Variants in STS observed in about 807,000 individuals in gnomAD.
The protein encoded by STS is steryl-sulfatase.
A neutral mutation model predicts 26.8 loss-of-function variants in STS; 7 were observed. The ratio of observed to expected loss-of-function variants is 0.26; its 90% CI spans 0.15 to 0.49. STS has a LOEUF of 0.49. STS is among the 20% of genes least tolerant of loss of function. The pLI is 0.98. For synonymous variants in STS, 199 were observed against 189.4 expected, an observed-to-expected ratio of 1.05 and a Z score of -0.42; for missense variants, 434 against 465.6, an observed-to-expected ratio of 0.93 and a Z score of 0.63.
At chrX:7,338,612 T>A (rs1928141467) in intron 10 of STS, among the ~76,000 whole-genome samples, 1 of 111,755 alleles carries the variant, frequency 8.9e-6, no homozygotes, top group Non-Finnish European at 1.9e-5. Flanking sequence ...ATCCTCACAT[T>A]GGACTAGCAG....
intron 7 of STS, among the ~76,000 whole-genome samples, chrX:7,303,644 A>G (rs887205749): frequency 1.8e-5 from 2 of 111,672 alleles, no homozygotes; most frequent in East Asian, 2.8e-4. Context: ...GCCTAGCAGT[A>G]TGCACTGACT....
At chrX:7,247,352 A>C (rs1922933617) in intron 2 of STS, among the ~76,000 whole-genome samples, 2 of 111,752 alleles carry the variant, frequency 1.8e-5, no homozygotes, top group Admixed American at 9.5e-5. Context: ...GAGAGAGGTG[A>C]TTGACTATGA....
chrX:7,204,963 G>T (rs1319827919), intron 2 of STS, among the ~76,000 whole-genome samples: 2 of 110,659 alleles, frequency 1.8e-5, no homozygotes, highest in Admixed American at 9.7e-5. Flanking sequence ...CTGAGACCAT[G>T]GATAGTCATG....
intron 2 of STS, among the ~76,000 whole-genome samples, chrX:7,220,639 C>G (rs1921518801): frequency 9.5e-6 from 1 of 104,967 alleles, no homozygotes; most frequent in Non-Finnish European, 2.0e-5. Flanking sequence ...AGCTCCACCT[C>G]CCGGGTTCAC....
intron 1 of STS, among the ~76,000 whole-genome samples, chrX:7,176,989 T>C (rs1373703587): frequency 8.9e-6 from 1 of 111,869 alleles, no homozygotes; most frequent in Non-Finnish European, 1.9e-5. Flanking sequence ...ATTTTGCCTC[T>C]ATGAAAATAA....
chrX:7,261,611 T>A (rs1479515467), intron 6 of STS, among the ~76,000 whole-genome samples: 5 of 111,455 alleles, frequency 4.5e-5, no homozygotes, highest in Admixed American at 1.9e-4. Context: ...TACTGGAGGT[T>A]GGGAATGGGC....
intron 8 of STS, among the ~76,000 whole-genome samples, chrX:7,324,909 A>G (rs969666633): frequency 8.9e-6 from 1 of 111,898 alleles, no homozygotes; most frequent in East Asian, 2.8e-4. Context: ...CTTTTGCCAT[A>G]TAAGGCAAAA....
intron 2 of STS, among the ~76,000 whole-genome samples, chrX:7,212,170 C>T (rs1418108062): frequency 1.8e-5 from 2 of 111,747 alleles, no homozygotes; most frequent in Non-Finnish European, 3.8e-5. Flanking sequence ...TTAATGATTA[C>T]TTATGAAAGA....
intron 6 of STS, among the ~76,000 whole-genome samples, chrX:7,262,017 T>C (rs1923772993): frequency 8.9e-6 from 1 of 112,247 alleles, no homozygotes; most frequent in Admixed American, 9.4e-5. Context: ...TTTTAAGTAT[T>C]CTCAGTTTCA....
In STS at chrX:7,354,036, C is replaced by G. The variant is rs1341198349; in HGVS notation, c.*3775C>G. On this transcript the variant is annotated 3_prime_UTR_variant, in exon 11 of 11. Coordinates refer to ENST00000674429, the MANE Select transcript of STS (RefSeq NM_001320752.2). ...AACCTTCTCCCAGGCCCAATCTGGG[C>G]ACTTCCTTGTAAAATCTAGTTTTGG... is the stretch of plus-strand genomic sequence containing the variant. The G allele has an allele frequency of 9.0e-6, 1 of 111,655 alleles. No individual in the cohort carries two copies. The highest frequency in any genetic ancestry group is 1.9e-5 in the Non-Finnish European group (1 of 53,155). The allele number at this position is 111,655 out of a possible 1,213,427, so 9.2% of individuals were successfully genotyped here.
intron 2 of STS, among the ~76,000 whole-genome samples, chrX:7,210,613 A>T (rs1921002531): frequency 9.3e-6 from 1 of 107,462 alleles, no homozygotes; most frequent in Admixed American, 1.0e-4. Context: ...ATATTTTTAT[A>T]TTAAATGTAT....
chrX:7,267,251 A>G (rs890936484), intron 6 of STS, among the ~76,000 whole-genome samples: 14 of 111,995 alleles, frequency 1.3e-4, no homozygotes, highest in African/African-American at 1.6e-4. Context: ...TCTAGGTCCA[A>G]TGCTCAAGGA....
At chrX:7,311,561 A>G (rs1926477500) in intron 8 of STS, among the ~76,000 whole-genome samples, 1 of 111,839 alleles carries the variant, frequency 8.9e-6, no homozygotes, top group African/African-American at 3.2e-5. Context: ...AAACACTCTA[A>G]TATCAACCAG....
At chrX:7,215,097 G>GTA (rs1170401955) in intron 2 of STS, among the ~76,000 whole-genome samples, 4 of 81,030 alleles carry the variant, frequency 4.9e-5, no homozygotes, top group African/African-American at 2.0e-4. Flanking sequence ...GTATATATGT[G>GTA]TATATATATA....
chrX:7,277,599 T>C (rs1473542352), intron 7 of STS, among the ~76,000 whole-genome samples: 3 of 111,883 alleles, frequency 2.7e-5, no homozygotes, highest in African/African-American at 9.8e-5. Flanking sequence ...TCCTCTATCA[T>C]CTTGATAGGA....
At chrX:7,240,258 C>T (rs1212888878) in intron 2 of STS, among the ~76,000 whole-genome samples, 1 of 108,577 alleles carries the variant, frequency 9.2e-6, no homozygotes, top group African/African-American at 3.4e-5. Context: ...TAATATCTAC[C>T]TCCAGGCACA....
chrX:7,305,219 C>T, intron 8 of STS, 36 bp downstream of exon 8: 2 of 1,206,062 alleles, frequency 1.7e-6, no homozygotes, highest in African/African-American at 3.5e-5. Context: ...TCTGGCCTCT[C>T]AGCTCATCCG....
chrX:7,188,594 G>A (rs777321881), intron 1 of STS, among the ~76,000 whole-genome samples: 1 of 111,532 alleles, frequency 9.0e-6, no homozygotes, highest in Non-Finnish European at 1.9e-5. Context: ...TAGGCTCTTC[G>A]TGGCAGTACC....
intron 9 of STS, among the ~76,000 whole-genome samples, chrX:7,332,778 G>A (rs1927820227): frequency 8.9e-6 from 1 of 111,890 alleles, no homozygotes; most frequent in Non-Finnish European, 1.9e-5. Flanking sequence ...CACACGCTGT[G>A]TCTCAATAGA....
Sources: allele counts gnomAD v4.1 joint callset (sites outside exome capture counted in the v4.1 genomes callset), GRCh38; gene constraint gnomAD v4.1.1; transcripts MANE v1.5; gene names NCBI Gene and HGNC (gene_info 2026-07-23, HGNC 2026-07-21).